USP31: variants seen among roughly 807,000 people sequenced by gnomAD.
The protein encoded by USP31 is ubiquitin specific peptidase 31.
In USP31, 44 loss-of-function variants were observed where a neutral mutation model predicts 119.4. The observed-to-expected ratio is 0.37, with a 90% CI of 0.29 to 0.47. The LOEUF (loss-of-function observed/expected upper bound fraction) is 0.47, where lower values mean the gene tolerates loss of function less well. USP31 is among the 20% of genes least tolerant of loss of function. USP31 has a pLI of 0.99. For synonymous variants in USP31, 749 were observed against 705.6 expected (o/e 1.06, Z -0.97); for missense variants, 1,643 against 1,730.2 (o/e 0.95, Z 0.89).
chr16:23,148,397 C>T (rs1251835818), intron 1 of USP31, among the ~76,000 whole-genome samples: 1 of 152,224 alleles, frequency 6.6e-6, no homozygotes, highest in Non-Finnish European at 1.5e-5. Context: ...TGCCTATTAT[C>T]ACAGAGTATG....
intron 5 of USP31, among the ~76,000 whole-genome samples, chr16:23,104,401 T>C (rs1902008112): frequency 6.6e-6 from 1 of 152,326 alleles, no homozygotes; most frequent in African/African-American, 2.4e-5. Flanking sequence ...AGCCAGACAG[T>C]GCTGGAAGCT....
Position 23,080,128 on chromosome 16 carries a change from G to A in USP31, c.1994C>T (p.Pro665Leu). ...RMKLQNMVKFPLTGLDMTPHV... is the reference protein window; with the variant it reads ...RMKLQNMVKFLLTGLDMTPHV... ...AGGTGTCATGTCCAGGCCAGTCAAG[G>A]GGAATTTGACCATGTTCTGAAGTTT... Residue 665 changes from proline (P) to leucine (L), a missense_variant, in exon 13 of 16, where the codon CCC becomes CTC. By Grantham distance (98) the Pro-to-Leu change is moderately conservative. Around this residue, in one of 5 missense-constraint regions of USP31, gnomAD observed 279 missense variants for 372.2 expected, o/e 0.75. Transcript: ENST00000219689. 2 of 1,592,858 alleles carry A rather than the reference G, an allele frequency of 1.3e-6. No homozygotes were observed. The highest frequency in any genetic ancestry group is 1.7e-6 in the Non-Finnish European group (2 of 1,171,556).
chr16:23,068,704 G>A lies in USP31; in HGVS notation c.3401C>T (p.Ser1134Leu), dbSNP rs1900201711. ...GAAAGGGCTCCTTGTGGCAGGGCCC[G>A]AGGCCTTTTTGGCAGATGTGGAGGA... ...TASSTSAKKA[S>L]GPATRSPFPP... The change falls in exon 16 of 16, where the codon TCG (serine) becomes TTG (leucine). Residue 1134 changes from serine to leucine, a missense_variant. Physicochemically the swap from Ser to Leu is moderately radical, Grantham distance 145. Transcript: ENST00000219689. 5 of 1,613,532 alleles carry A rather than the reference G, an allele frequency of 3.1e-6. No individual in the cohort carries two copies. Among genetic ancestry groups the A allele is most frequent in the Non-Finnish European group, 3.4e-6 (4 of 1,179,768 alleles).
At chr16:23,137,618 C>CAT (rs149852884) in intron 1 of USP31, among the ~76,000 whole-genome samples, 50 of 147,982 alleles carry the variant, frequency 3.4e-4, no homozygotes, top group South Asian at 2.2e-3. Flanking sequence ...ATGTGTTATA[C>CAT]ATATATATAT....
At chr16:23,114,049 G>A (rs1902409282) in intron 1 of USP31, among the ~76,000 whole-genome samples, 1 of 151,830 alleles carries the variant, frequency 6.6e-6, no homozygotes, top group Admixed American at 6.6e-5. Context: ...AGATTGCAGT[G>A]AGCCAAGATC....
At chr16:23,099,272 C>T (rs1901747128) in intron 6 of USP31, among the ~76,000 whole-genome samples, 1 of 152,128 alleles carries the variant, frequency 6.6e-6, no homozygotes, top group African/African-American at 2.4e-5. Flanking sequence ...CAATGAGATA[C>T]CATCGCACAC....
chr16:23,107,450 G>A (rs1428159082), intron 2 of USP31, among the ~76,000 whole-genome samples: 1 of 152,120 alleles, frequency 6.6e-6, no homozygotes, highest in Non-Finnish European at 1.5e-5. Context: ...ACCAAACTTA[G>A]AAATTTAAAA....
At chr16:23,140,915 C>G (rs569391471) in intron 1 of USP31, among the ~76,000 whole-genome samples, 182 of 152,322 alleles carry the variant, frequency 1.2e-3, no homozygotes, top group African/African-American at 4.3e-3. Flanking sequence ...AAGAGTCTAC[C>G]TCCAGACACA....
chr16:23,141,430 A>C (rs1903348983), intron 1 of USP31, among the ~76,000 whole-genome samples: 1 of 151,304 alleles, frequency 6.6e-6, no homozygotes, highest in African/African-American at 2.4e-5. Flanking sequence ...CCCAGGCCAG[A>C]GGGCAGTGGC....
chr16:23,102,308 A>C lies in USP31; in HGVS notation c.1234+11T>G. ...ACCCAGGTGGCATTATGGAAACAGG[A>C]GCTCCCTTACCTCTTTGACTGAGAA... On this transcript the variant is annotated intron_variant, in intron 6 of 15. Transcript: ENST00000219689. The C allele has an allele frequency of 6.2e-7, 1 of 1,609,010 alleles. No individual in the cohort carries two copies. Among genetic ancestry groups the C allele is most frequent in the South Asian group, 1.1e-5 (1 of 89,634 alleles).
At position 23,067,933 on chromosome 16, in the gene USP31, G is replaced by A. The variant is rs770328536; in HGVS notation, c.*113C>T. 25 of 1,249,322 alleles carry A rather than the reference G, an allele frequency of 2.0e-5. No individual in the cohort carries two copies. Among genetic ancestry groups the A allele is most frequent in the South Asian group, 1.0e-4 (7 of 67,536 alleles). The allele number at this position is 1,249,322 out of a possible 1,614,324, so 77.4% of individuals were successfully genotyped here. On this transcript the variant is annotated 3_prime_UTR_variant, in exon 16 of 16. Transcript: ENST00000219689. ...TACACTCACACACACACACACAGTC[G>A]GGCACGTGACTCAAAAAAGTACAAA...
intron 6 of USP31, among the ~76,000 whole-genome samples, chr16:23,097,675 C>G (rs898714009): frequency 7.9e-5 from 12 of 152,164 alleles, no homozygotes; most frequent in African/African-American, 2.7e-4. Context: ...TCAACATATG[C>G]AAATCAATAA....
Position 23,073,782 on chromosome 16 carries a change from T to A in USP31, c.2275A>T (p.Ile759Phe). The A allele has an allele frequency of 6.2e-7, 1 of 1,614,090 alleles. No homozygotes were observed. The highest frequency in any genetic ancestry group is 8.5e-7 in the Non-Finnish European group (1 of 1,180,036). ...EDEVCTQTAY[I>F]LFYQRRTAIP... ...GCTGTCCGCCTCTGGTAGAAGAGGA[T>A]GTATGCTGTCTGCGTGCAGACCTCA... is the stretch of plus-strand genomic sequence containing the variant. The change falls in exon 14 of 16, where the codon ATC (isoleucine) becomes TTC (phenylalanine). Residue 759 changes from isoleucine (I) to phenylalanine (F), a missense_variant. Ile to Phe is a conservative substitution (Grantham distance 21, BLOSUM62 0). This residue lies in a region of USP31 where 279 missense variants were observed against 372.2 expected (regional missense o/e 0.75). Coordinates refer to ENST00000219689, the MANE Select transcript of USP31 (RefSeq NM_020718.4).
chr16:23,102,326 A>T lies in USP31; in HGVS notation c.1227T>A (p.Ser409Arg). The change falls in exon 6 of 16, where the codon AGT becomes AGA. Residue 409 changes from serine to arginine, a missense_variant. Ser to Arg is a moderately radical substitution (Grantham distance 110). Coordinates refer to ENST00000219689, the MANE Select transcript of USP31 (RefSeq NM_020718.4). ...PEIFRPEGIL[S>R]QRGIHLNNNL... is the part of the protein sequence containing the mutation. ...AAACAGGAGCTCCCTTACCTCTTTGACTGAGAATTCCTTCAGGCCTAAATA... is the reference window on the plus strand; with the variant it reads ...AAACAGGAGCTCCCTTACCTCTTTGTCTGAGAATTCCTTCAGGCCTAAATA... The T allele has an allele frequency of 6.2e-7, 1 of 1,613,064 alleles. No individual in the cohort carries two copies. The highest frequency in any genetic ancestry group is 8.5e-7 in the Non-Finnish European group (1 of 1,179,676).
chr16:23,102,544 G>GA (rs1172593895), intron 5 of USP31, 81 bp from the exon 6 acceptor site: 1 of 1,483,696 alleles, frequency 6.7e-7, no homozygotes, highest in East Asian at 2.3e-5. Context: ...AACTTCTCCA[G>GA]ACCATCAGGA....
intron 7 of USP31, among the ~76,000 whole-genome samples, chr16:23,088,895 C>T (rs929880531): frequency 2.0e-5 from 3 of 152,182 alleles, no homozygotes; most frequent in East Asian, 1.9e-4. Context: ...TTAACTCTGA[C>T]TCAGGCCCAG....
At chr16:23,094,117 C>T (rs569008620) in intron 6 of USP31, among the ~76,000 whole-genome samples, 2 of 152,212 alleles carry the variant, frequency 1.3e-5, no homozygotes, top group South Asian at 4.1e-4. Context: ...ACAGACTGTA[C>T]CTGGAAAAAC....
intron 8 of USP31, 132 bp from the exon 9 acceptor site, chr16:23,087,318 A>C (rs1901153350): frequency 5.3e-6 from 4 of 760,780 alleles, no homozygotes; most frequent in Middle Eastern, 4.9e-4. Flanking sequence ...ATAAGATTCT[A>C]TAAGGTTGTT....
At chr16:23,112,407 C>T (rs563235733) in intron 1 of USP31, among the ~76,000 whole-genome samples, 5 of 152,024 alleles carry the variant, frequency 3.3e-5, no homozygotes, top group Admixed American at 2.0e-4. Flanking sequence ...GGTGAAACTC[C>T]GTCTCCACTA....
Sources: gnomAD v4.1 joint callset for allele counts (sites outside exome capture counted in the v4.1 genomes callset) on GRCh38, gnomAD v4.1.1 for gene constraint, gnomAD v4.1.1 regional missense constraint, MANE v1.5 for transcripts, NCBI Gene and HGNC (gene_info 2026-07-23, HGNC 2026-07-21) for gene names.